ASB5: variants seen among roughly 807,000 people sequenced by gnomAD.
The protein encoded by ASB5 is ankyrin repeat and SOCS box protein 5.
ASB5 carries 45 observed loss-of-function variants against 42.1 expected under a neutral mutation model. The ratio of observed to expected loss-of-function variants is 1.07; its 90% CI spans 0.84 to 1.37. The LOEUF is 1.37. Among genes scored for constraint, ASB5 ranks in the 40% most tolerant of loss-of-function variants. The pLI is 0.00. For missense variants in ASB5, 402 were observed against 399.8 expected, an observed-to-expected ratio of 1.01 and a Z score of -0.05; for synonymous variants, 147 against 150.6, an observed-to-expected ratio of 0.98 and a Z score of 0.18.
At chr4:176,224,603 C>T (rs1753322860) in intron 2 of ASB5, among the ~76,000 whole-genome samples, 2 of 151,864 alleles carry the variant, frequency 1.3e-5, no homozygotes, top group East Asian at 1.9e-4. Flanking sequence ...GAACTCCTGA[C>T]CTCAGGTGAT....
intron 1 of ASB5, among the ~76,000 whole-genome samples, chr4:176,232,357 C>T (rs1191904691): frequency 6.6e-6 from 1 of 152,016 alleles, no homozygotes; most frequent in Non-Finnish European, 1.5e-5. Flanking sequence ...CTCCTGACCT[C>T]AGATGATCCA....
exon 2 of ASB5, chr4:176,275,845 A>G (rs1754553253): frequency 6.6e-6 from 1 of 152,242 alleles, no homozygotes; most frequent in African/African-American, 2.4e-5. Flanking sequence ...CATCTGGCTG[A>G]GTCCCCTCTC....
At chr4:176,232,666 A>G (rs1307878255) in intron 1 of ASB5, among the ~76,000 whole-genome samples, 1 of 152,232 alleles carries the variant, frequency 6.6e-6, no homozygotes, top group Non-Finnish European at 1.5e-5. Flanking sequence ...CCTTTATTGT[A>G]TACTTTCAGA....
At chr4:176,244,477 G>A (rs1200795242) in intron 1 of ASB5, among the ~76,000 whole-genome samples, 1 of 152,184 alleles carries the variant, frequency 6.6e-6, no homozygotes, top group Non-Finnish European at 1.5e-5. Flanking sequence ...ATCTGGAACA[G>A]CTGTTTAAAA....
chr4:176,234,639 T>C (rs987605209), intron 1 of ASB5, among the ~76,000 whole-genome samples: 1 of 152,176 alleles, frequency 6.6e-6, no homozygotes, highest in African/African-American at 2.4e-5. Context: ...GTTTGTTGCA[T>C]GAATGAGTGC....
At chr4:176,267,398 G>A (rs1754378028) in intron 1 of ASB5, among the ~76,000 whole-genome samples, 1 of 152,128 alleles carries the variant, frequency 6.6e-6, no homozygotes, top group South Asian at 2.1e-4. Flanking sequence ...GCTGAGGCAG[G>A]AGGATCCCTT....
At chr4:176,234,838 G>A (rs1330252802) in intron 1 of ASB5, among the ~76,000 whole-genome samples, 1 of 152,108 alleles carries the variant, frequency 6.6e-6, no homozygotes, top group Non-Finnish European at 1.5e-5. Context: ...ATAAAATGGG[G>A]GCAATCATAC....
At chr4:176,272,623 T>C (rs1754489457), upstream of ASB5, among the ~76,000 whole-genome samples, 1 of 152,158 alleles carries the variant, frequency 6.6e-6, no homozygotes, top group East Asian at 1.9e-4. Context: ...TTCGAGTCTC[T>C]TGCTCACTCT....
At chr4:176,221,097 GAAAT>G in intron 5 of ASB5, 54 bp downstream of exon 5, 1 of 1,480,298 alleles carries the variant, frequency 6.8e-7, no homozygotes, top group South Asian at 1.5e-5. Context: ...CTCATTTAGA[GAAAT>G]AAATAACTGC....
At chr4:176,219,870 A>G (rs1753151511) in intron 5 of ASB5, among the ~76,000 whole-genome samples, 1 of 151,764 alleles carries the variant, frequency 6.6e-6, no homozygotes, top group Admixed American at 6.6e-5. Context: ...AACCCAGTAT[A>G]AAATGTTTGG....
At chr4:176,257,907 C>A (rs1269439288) in intron 1 of ASB5, among the ~76,000 whole-genome samples, 1 of 152,172 alleles carries the variant, frequency 6.6e-6, no homozygotes, top group Non-Finnish European at 1.5e-5. Flanking sequence ...ATAAATCAAG[C>A]TGACCTCTGA....
chr4:176,249,868 A>G (rs1224673376), intron 1 of ASB5, among the ~76,000 whole-genome samples: 2 of 151,882 alleles, frequency 1.3e-5, no homozygotes, highest in African/African-American at 4.8e-5. Context: ...GATGGAGACC[A>G]TCCTGGCTAA....
chr4:176,232,124 TA>T (rs1228449907), intron 1 of ASB5, among the ~76,000 whole-genome samples: 18 of 138,328 alleles, frequency 1.3e-4, no homozygotes, highest in African/African-American at 4.8e-4. Flanking sequence ...TATATATATA[TA>T]TACTTTTTTT....
chr4:176,257,664 C>T (rs1255625124), intron 1 of ASB5, among the ~76,000 whole-genome samples: 4 of 152,140 alleles, frequency 2.6e-5, no homozygotes, highest in Admixed American at 2.6e-4. Context: ...TTATAGTTCT[C>T]CAATATCTTT....
At chr4:176,254,234 CA>C (rs1754104303) in intron 1 of ASB5, among the ~76,000 whole-genome samples, 6 of 152,094 alleles carry the variant, frequency 3.9e-5, no homozygotes, top group Non-Finnish European at 7.4e-5. Context: ...ACCAATGGAA[CA>C]GAATAGAGAG....
At chr4:176,271,335 C>T (rs899835805), upstream of ASB5, among the ~76,000 whole-genome samples, 1 of 152,124 alleles carries the variant, frequency 6.6e-6, no homozygotes, top group African/African-American at 2.4e-5. Flanking sequence ...ATAAACGCTT[C>T]CAAATAACAC....
At chr4:176,222,225 A>G in intron 3 of ASB5, 88 bp downstream of exon 3, 2 of 1,209,236 alleles carry the variant, frequency 1.7e-6, no homozygotes, top group South Asian at 1.3e-5. Flanking sequence ...AACTACCGAG[A>G]ATGAAGGAAA....
chr4:176,273,059 C>T (rs2126982649), upstream of ASB5, among the ~76,000 whole-genome samples: 2 of 151,682 alleles, frequency 1.3e-5, no homozygotes, highest in Admixed American at 1.3e-4. Flanking sequence ...AAGCAGTCCT[C>T]CCACCTCAGC....
At chr4:176,257,432 C>T (rs1365253574) in intron 1 of ASB5, among the ~76,000 whole-genome samples, 3 of 152,112 alleles carry the variant, frequency 2.0e-5, no homozygotes, top group Non-Finnish European at 4.4e-5. Context: ...TTTTAAAACT[C>T]CCAACTCTGA....
Sources: allele counts gnomAD v4.1 joint callset (sites outside exome capture counted in the v4.1 genomes callset), GRCh38; gene constraint gnomAD v4.1.1; transcripts MANE v1.5; gene names NCBI Gene and HGNC (gene_info 2026-07-23, HGNC 2026-07-21).